KIAA1217: variants seen among roughly 807,000 people sequenced by gnomAD.
KIAA1217 encodes the protein sickle tail protein homolog.
A neutral mutation model predicts 163.9 loss-of-function variants in KIAA1217; 88 were observed. That is an observed-to-expected ratio of 0.54 (90% CI 0.45 to 0.64). The LOEUF (loss-of-function observed/expected upper bound fraction) is 0.64. Among genes scored for constraint, KIAA1217 ranks in the 30% least tolerant of loss-of-function variants. KIAA1217 has a pLI of 0.00. For synonymous variants in KIAA1217, 903 were observed against 923.1 expected, an observed-to-expected ratio of 0.98 and a Z score of 0.39; for missense variants, 2,372 against 2,475.0, an observed-to-expected ratio of 0.96 and a Z score of 0.88.
At chr10:24,255,636 CT>C (rs555017173) in intron 2 of KIAA1217, 328 of 428,054 alleles carry the variant, frequency 7.7e-4, no homozygotes, top group Non-Finnish European at 1.1e-3. Flanking sequence ...CCTGCCCCCC[CT>C]GGGGTCCCTA....
chr10:24,349,837 AT>A (rs2048236273), intron 2 of KIAA1217, among the ~76,000 whole-genome samples: 1 of 152,252 alleles, frequency 6.6e-6, no homozygotes, highest in Non-Finnish European at 1.5e-5. Context: ...TGGCAAGTTC[AT>A]GTATAATCAT....
At chr10:24,319,838 G>C (rs1010321142) in intron 2 of KIAA1217, among the ~76,000 whole-genome samples, 1 of 152,186 alleles carries the variant, frequency 6.6e-6, no homozygotes, top group East Asian at 1.9e-4. Flanking sequence ...CTTTGCCAAA[G>C]CACTTTAAGC....
chr10:24,486,053 G>A (rs2065353983), intron 6 of KIAA1217, among the ~76,000 whole-genome samples: 1 of 152,204 alleles, frequency 6.6e-6, no homozygotes, highest in Non-Finnish European at 1.5e-5. Flanking sequence ...AGAACAGTAA[G>A]ATCTGTACTC....
chr10:23,984,183 G>C (rs542380601), intron 1 of KIAA1217, among the ~76,000 whole-genome samples: 1 of 152,144 alleles, frequency 6.6e-6, no homozygotes, highest in Non-Finnish European at 1.5e-5. Flanking sequence ...TCCACCCTAC[G>C]AGAGAAGCTT....
intron 1 of KIAA1217, among the ~76,000 whole-genome samples, chr10:23,898,576 AT>A (rs554876208): frequency 3.4e-4 from 51 of 152,148 alleles, no homozygotes; most frequent in Non-Finnish European, 5.0e-4. Context: ...TCTTCTTAAA[AT>A]TTTTTAAGTG....
intron 2 of KIAA1217, among the ~76,000 whole-genome samples, chr10:24,260,696 G>A (rs896858125): frequency 3.3e-5 from 5 of 150,890 alleles, no homozygotes; most frequent in Admixed American, 3.3e-4. Context: ...AGTGAGCTAT[G>A]ATTGAGCCAC....
chr10:23,907,664 G>T (rs141364531), intron 1 of KIAA1217, among the ~76,000 whole-genome samples: 31 of 152,158 alleles, frequency 2.0e-4, no homozygotes, highest in African/African-American at 6.3e-4. Context: ...CCCTCCACGG[G>T]TTGGACGATG....
intron 1 of KIAA1217, among the ~76,000 whole-genome samples, chr10:23,897,221 A>C (rs956089376): frequency 2.0e-5 from 3 of 152,020 alleles, no homozygotes; most frequent in African/African-American, 7.2e-5. Context: ...CAGCTCACCA[A>C]GTTGGGCATG....
At chr10:24,125,454 A>C (rs2063438884) in intron 2 of KIAA1217, among the ~76,000 whole-genome samples, 1 of 151,892 alleles carries the variant, frequency 6.6e-6, no homozygotes, top group Admixed American at 6.6e-5. Flanking sequence ...CTACATTTAT[A>C]ATGAATTGAC....
intron 1 of KIAA1217, among the ~76,000 whole-genome samples, chr10:23,951,480 G>A (rs144366990): frequency 2.0e-5 from 3 of 152,088 alleles, no homozygotes; most frequent in African/African-American, 4.8e-5. Context: ...ATGGCAAAAC[G>A]CTTTCTCTAT....
At chr10:23,716,160 A>G (rs1249003668) in intron 1 of KIAA1217, among the ~76,000 whole-genome samples, 1 of 152,194 alleles carries the variant, frequency 6.6e-6, no homozygotes, top group African/African-American at 2.4e-5. Flanking sequence ...AAATATATGA[A>G]CATAATAGAT....
intron 2 of KIAA1217, among the ~76,000 whole-genome samples, chr10:24,155,939 G>A (rs2064853713): frequency 6.6e-6 from 1 of 152,048 alleles, no homozygotes; most frequent in Non-Finnish European, 1.5e-5. Flanking sequence ...TCAGAGACTG[G>A]GAAATAAAAT....
chr10:24,047,394 G>A (rs555522169), intron 2 of KIAA1217, among the ~76,000 whole-genome samples: 11 of 152,200 alleles, frequency 7.2e-5, no homozygotes, highest in South Asian at 2.1e-4. Context: ...ATTGAATTTC[G>A]TCAACCATTA....
At chr10:24,116,772 C>T (rs907506192) in intron 2 of KIAA1217, among the ~76,000 whole-genome samples, 4 of 152,126 alleles carry the variant, frequency 2.6e-5, no homozygotes, top group African/African-American at 9.7e-5. Context: ...TTTTCATAGT[C>T]ATTTTCCTGT....
intron 1 of KIAA1217, among the ~76,000 whole-genome samples, chr10:23,985,584 G>A (rs544263821): frequency 1.6e-4 from 24 of 152,102 alleles, no homozygotes; most frequent in Non-Finnish European, 2.9e-4. Flanking sequence ...CATCATCAAC[G>A]CTGCATAGTA....
intron 3 of KIAA1217, among the ~76,000 whole-genome samples, chr10:24,396,749 G>A (rs1591590996): frequency 1.3e-5 from 2 of 152,298 alleles, no homozygotes; most frequent in African/African-American, 4.8e-5. Flanking sequence ...CACTATGATC[G>A]GAATGATGTC....
intron 2 of KIAA1217, among the ~76,000 whole-genome samples, chr10:24,138,066 C>CGTAT (rs2063902331): frequency 6.6e-6 from 1 of 152,110 alleles, no homozygotes; most frequent in African/African-American, 2.4e-5. Flanking sequence ...CGTATAGTAG[C>CGTAT]ATAAGGTTCT....
chr10:24,260,586 CAAAAAA>C (rs11352927), intron 2 of KIAA1217, among the ~76,000 whole-genome samples: 1 of 61,164 alleles, frequency 1.6e-5, no homozygotes, highest in African/African-American at 6.0e-5. Context: ...CTCATCTCTA[CAAAAAA>C]AAAAAAAAAA....
chr10:23,773,570 C>T (rs532189929), intron 1 of KIAA1217, among the ~76,000 whole-genome samples: 30 of 152,190 alleles, frequency 2.0e-4, no homozygotes, highest in East Asian at 1.9e-4. Flanking sequence ...GCCATTTTCA[C>T]GATATTGATT....
Sources: gnomAD v4.1 joint callset for allele counts (sites outside exome capture counted in the v4.1 genomes callset) on GRCh38, gnomAD v4.1.1 for gene constraint, MANE v1.5 for transcripts, NCBI Gene and HGNC (gene_info 2026-07-23, HGNC 2026-07-21) for gene names.